Variants in SPRR2G observed in about 807,000 individuals in gnomAD.
SPRR2G encodes small proline-rich protein 2G.
SPRR2G carries 1 observed loss-of-function variant against 0.7 expected under a neutral mutation model. That is an observed-to-expected ratio of 1.49 (90% confidence interval 0.53 to 7.06). The LOEUF (loss-of-function observed/expected upper bound fraction) is 7.06, where lower values mean the gene tolerates loss of function less well. SPRR2G is among the 30% of genes most tolerant of loss of function. The pLI, the probability that SPRR2G is intolerant of heterozygous loss-of-function variation, is 0.14. For missense variants in SPRR2G, 96 were observed against 88.5 expected (o/e 1.09, Z -0.34); for synonymous variants, 38 against 33.9 (o/e 1.12, Z -0.42).
chr1:153,197,417 GA>G, the SPRR2G span, among the ~76,000 whole-genome samples: 10 of 152,086 alleles, frequency 6.6e-5, no homozygotes, highest in Non-Finnish European at 1.5e-4. Flanking sequence ...CTGACCCTGA[GA>G]AACAGATCTC....
chr1:153,173,753 A>G, the SPRR2G span, among the ~76,000 whole-genome samples: 1 of 152,150 alleles, frequency 6.6e-6, no homozygotes, highest in Non-Finnish European at 1.5e-5. Context: ...AGAAGTCCTG[A>G]GTCAGTGATG....
chr1:153,193,534 C>T, the SPRR2G span, among the ~76,000 whole-genome samples: 4 of 152,184 alleles, frequency 2.6e-5, no homozygotes, highest in African/African-American at 9.7e-5. Context: ...GGCTCAATGA[C>T]TTTAAACTTC....
At chr1:153,170,403 G>T in the SPRR2G span, among the ~76,000 whole-genome samples, 1 of 152,144 alleles carries the variant, frequency 6.6e-6, no homozygotes, top group Non-Finnish European at 1.5e-5. Context: ...TATAAATTTT[G>T]TAAACCAAAG....
chr1:153,202,780 C>T, the SPRR2G span, among the ~76,000 whole-genome samples: 2 of 152,196 alleles, frequency 1.3e-5, no homozygotes, highest in East Asian at 1.9e-4. Context: ...TTCGTGATGA[C>T]TGCCACGATG....
the SPRR2G span, among the ~76,000 whole-genome samples, chr1:153,192,304 C>A: frequency 6.6e-6 from 1 of 152,172 alleles, no homozygotes; most frequent in Admixed American, 6.5e-5. Flanking sequence ...CAGGAGTTTC[C>A]TTGGGAGCTA....
chr1:153,164,456 A>G, the SPRR2G span, among the ~76,000 whole-genome samples: 1 of 152,194 alleles, frequency 6.6e-6, no homozygotes, highest in East Asian at 1.9e-4. Flanking sequence ...TGAAGAGGAG[A>G]GGGGAGAAGG....
At chr1:153,169,745 G>GTGCACA in the SPRR2G span, among the ~76,000 whole-genome samples, 2 of 152,176 alleles carry the variant, frequency 1.3e-5, no homozygotes, top group African/African-American at 4.8e-5. Flanking sequence ...AATTGTGTAT[G>GTGCACA]TGCACATTTC....
At chr1:153,202,119 A>G in the SPRR2G span, among the ~76,000 whole-genome samples, 1 of 152,372 alleles carries the variant, frequency 6.6e-6, no homozygotes, top group Admixed American at 6.5e-5. Context: ...TTGTAAGATA[A>G]CAAAATTGGC....
chr1:153,197,177 T>C, the SPRR2G span, among the ~76,000 whole-genome samples: 1 of 123,526 alleles, frequency 8.1e-6, no homozygotes, highest in African/African-American at 3.2e-5. Flanking sequence ...TGTGTGTGTG[T>C]GTATGTTGGA....
chr1:153,157,198 A>C, the SPRR2G span, among the ~76,000 whole-genome samples: 1 of 152,248 alleles, frequency 6.6e-6, no homozygotes, highest in Non-Finnish European at 1.5e-5. Flanking sequence ...AACTTAAGGT[A>C]TAAGTTTCAT....
chr1:153,185,363 T>C, the SPRR2G span, among the ~76,000 whole-genome samples: 1 of 151,148 alleles, frequency 6.6e-6, no homozygotes, highest in African/African-American at 2.4e-5. Flanking sequence ...TTGTGGTTAG[T>C]AGGCTATTAA....
At chr1:153,198,492 G>A in the SPRR2G span, among the ~76,000 whole-genome samples, 26 of 152,210 alleles carry the variant, frequency 1.7e-4, 1 homozygote, top group African/African-American at 6.3e-4. Context: ...ACCAACTTGA[G>A]AGAAATGTGC....
the SPRR2G span, among the ~76,000 whole-genome samples, chr1:153,183,563 GTTGT>G: frequency 3.2e-4 from 49 of 152,138 alleles, no homozygotes; most frequent in Admixed American, 4.6e-4. Context: ...TTTTGTTGGG[GTTGT>G]TTGTTTTTTT....
chr1:153,183,275 C>G, the SPRR2G span, among the ~76,000 whole-genome samples: 1 of 144,956 alleles, frequency 6.9e-6, no homozygotes, highest in Non-Finnish European at 1.5e-5. Flanking sequence ...TCAGTAGAAA[C>G]AGAGTTTCTC....
Position 153,149,916 on chromosome 1 carries a change from CT to C in SPRR2G, c.194del (p.Gln65ArgfsTer52). 1.2e-6 allele frequency: 2 copies of C among 1,614,042 alleles called. No homozygotes were observed. The highest frequency in any genetic ancestry group is 1.7e-6 in the Non-Finnish European group (2 of 1,180,014). On this transcript the variant is annotated frameshift_variant, in exon 2 of 2. Transcript: ENST00000368748. LOFTEE classifies it high-confidence loss of function. ...CPPVQPYPPC[Q>X]QKYPPKSK ...ACTTGCTCTTGGGTGGATACTTCTG[CT>C]GGCAGGGTGGGTATGGTTGCACAGG...
At chr1:153,197,131 AATGT>A in the SPRR2G span, among the ~76,000 whole-genome samples, 10 of 104,618 alleles carry the variant, frequency 9.6e-5, no homozygotes, top group East Asian at 3.1e-3. Flanking sequence ...CCAGGCAGAG[AATGT>A]GTGTGTGTGT....
chr1:153,177,355 G>A, the SPRR2G span, among the ~76,000 whole-genome samples: 1 of 152,118 alleles, frequency 6.6e-6, no homozygotes, highest in Non-Finnish European at 1.5e-5. Flanking sequence ...TCTCTTAAAT[G>A]AATATTTAGG....
chr1:153,179,932 A>AT, the SPRR2G span, among the ~76,000 whole-genome samples: 2 of 152,164 alleles, frequency 1.3e-5, no homozygotes, highest in East Asian at 3.8e-4. Context: ...ATATCTTGCC[A>AT]TTGTATCTAG....
the SPRR2G span, among the ~76,000 whole-genome samples, chr1:153,202,036 C>T: frequency 1.3e-5 from 2 of 152,210 alleles, no homozygotes; most frequent in African/African-American, 4.8e-5. Context: ...GTGACTAATA[C>T]AAATTCTTGA....
Sources: gnomAD v4.1 joint callset for allele counts (sites outside exome capture counted in the v4.1 genomes callset) on GRCh38, gnomAD v4.1.1 for gene constraint, MANE v1.5 for transcripts, NCBI Gene and HGNC (gene_info 2026-07-23, HGNC 2026-07-21) for gene names.